Variants in ULK4 observed in about 807,000 individuals in gnomAD.
The protein encoded by ULK4 is inactive serine/threonine-protein kinase ULK4.
A neutral mutation model predicts 160.6 loss-of-function variants in ULK4; 133 were observed. The ratio of observed to expected loss-of-function variants is 0.83; its 90% CI spans 0.72 to 0.96. The LOEUF is 0.96. ULK4 is among the 40% of genes least tolerant of loss of function. The probability of loss-of-function intolerance (pLI) is 0.00; values close to 1 mark genes in which losing one functional copy is unlikely to be tolerated. For missense variants in ULK4, 1,580 were observed against 1,499.5 expected (o/e 1.05, Z -0.89); for synonymous variants, 534 against 539.8 (o/e 0.99, Z 0.15).
rs1315051637 is a variant in ULK4 at position 41,896,836 on chromosome 3, G to A, written c.1516C>T (p.Leu506Phe). 6.2e-7 allele frequency: 1 copy of A among 1,612,544 alleles called. No individual in the cohort carries two copies. The highest frequency in any genetic ancestry group is 8.5e-7 in the Non-Finnish European group (1 of 1,179,576). The change falls in exon 15 of 37, where the codon CTC becomes TTC. Residue 506 changes from leucine (L) to phenylalanine (F), a missense_variant. Coordinates refer to ENST00000301831, the MANE Select transcript of ULK4 (RefSeq NM_017886.4). ...CACAGGCTTACCAGGGGGGAATGGA[G>A]GAGCCTGGTGGCCACCTCCTGGTGA... is the stretch of plus-strand genomic sequence containing the variant. Reference protein sequence around the residue: ...AGHQEVATRLLHSPLFQLLIQ... With the variant: ...AGHQEVATRLFHSPLFQLLIQ...
chr3:41,578,488 GAATT>G (rs1321003825), intron 31 of ULK4, among the ~76,000 whole-genome samples: 1 of 152,284 alleles, frequency 6.6e-6, no homozygotes, highest in East Asian at 1.9e-4. Flanking sequence ...CCATCTTGAA[GAATT>G]AATGGTTGCG....
At chr3:41,826,337 T>C (rs1364072460) in intron 18 of ULK4, among the ~76,000 whole-genome samples, 1 of 152,156 alleles carries the variant, frequency 6.6e-6, no homozygotes, top group Admixed American at 6.5e-5. Context: ...ATGGGCTAAA[T>C]GCTCCAATTA....
intron 30 of ULK4, among the ~76,000 whole-genome samples, chr3:41,632,247 G>A (rs765256712): frequency 6.6e-6 from 1 of 152,112 alleles, no homozygotes; most frequent in Non-Finnish European, 1.5e-5. Flanking sequence ...TCCCTAAGAG[G>A]ACCACTAGAT....
chr3:41,615,541 T>C, intron 31 of ULK4, 128 bp downstream of exon 31: 1 of 811,560 alleles, frequency 1.2e-6, no homozygotes, highest in Non-Finnish European at 2.0e-6. Context: ...GGAGGTTAAG[T>C]GTGATGATGA....
chr3:41,360,397 C>T (rs2081118426), intron 35 of ULK4, among the ~76,000 whole-genome samples: 1 of 152,104 alleles, frequency 6.6e-6, no homozygotes, highest in Non-Finnish European at 1.5e-5. Context: ...ACCATTTAAC[C>T]CAGCAATCCT....
Position 41,754,904 on chromosome 3 carries a change from G to C in ULK4, c.2194-416C>G, listed in dbSNP as rs573439483. 3.3e-5 allele frequency among the ~76,000 whole-genome samples: 5 copies of C among 152,236 alleles called. No homozygotes were observed. In the South Asian group the frequency reaches 1.0e-3, roughly 32 times the overall value. On this transcript the variant is annotated intron_variant, in intron 21 of 36. Coordinates refer to ENST00000301831, the MANE Select transcript of ULK4 (RefSeq NM_017886.4). ...AAATCTCTGAGAAGAGCTGCATATA[G>C]AGAGATCATACCTCTAGTCTACACA...
chr3:41,385,404 G>C (rs117150313), intron 35 of ULK4, among the ~76,000 whole-genome samples: 4 of 151,998 alleles, frequency 2.6e-5, no homozygotes, highest in African/African-American at 7.2e-5. Flanking sequence ...TAGGGGAGCT[G>C]AATCTCTTGA....
intron 18 of ULK4, among the ~76,000 whole-genome samples, chr3:41,826,686 T>G (rs906937466): frequency 2.0e-5 from 3 of 149,698 alleles, no homozygotes; most frequent in African/African-American, 7.6e-5. Flanking sequence ...ACAAAGAGAC[T>G]TAGACTCCCA....
chr3:41,531,690 A>C (rs2086325739), intron 32 of ULK4, among the ~76,000 whole-genome samples: 2 of 152,286 alleles, frequency 1.3e-5, no homozygotes, highest in South Asian at 2.1e-4. Context: ...CCTATAGGTA[A>C]ACCAAAACAA....
At chr3:41,823,640 T>A (rs2041226194) in intron 18 of ULK4, among the ~76,000 whole-genome samples, 1 of 152,202 alleles carries the variant, frequency 6.6e-6, no homozygotes, top group African/African-American at 2.4e-5. Flanking sequence ...GTATACTATA[T>A]ATAATCACTT....
chr3:41,780,963 G>A (rs1317896453), intron 21 of ULK4, among the ~76,000 whole-genome samples: 1 of 151,916 alleles, frequency 6.6e-6, no homozygotes, highest in East Asian at 1.9e-4. Context: ...TTTACCTATA[G>A]ATAAGCAGAG....
chr3:41,578,275 A>C (rs2088269102), intron 31 of ULK4, among the ~76,000 whole-genome samples: 1 of 152,218 alleles, frequency 6.6e-6, no homozygotes, highest in South Asian at 2.1e-4. Context: ...AGCAAAAGGC[A>C]ACCTGGGTCT....
chr3:41,664,017 A>T (rs1178278864), intron 29 of ULK4, among the ~76,000 whole-genome samples: 1 of 152,232 alleles, frequency 6.6e-6, no homozygotes. Context: ...TCTGAAAAAC[A>T]TACAGACTCT....
At chr3:41,730,074 T>A (rs2037774298) in intron 22 of ULK4, among the ~76,000 whole-genome samples, 1 of 152,206 alleles carries the variant, frequency 6.6e-6, no homozygotes, top group African/African-American at 2.4e-5. Context: ...AAAATTTTTT[T>A]AATTTAAAAA....
At chr3:41,632,551 C>T (rs542161749) in intron 30 of ULK4, among the ~76,000 whole-genome samples, 1 of 152,080 alleles carries the variant, frequency 6.6e-6, no homozygotes, top group African/African-American at 2.4e-5. Flanking sequence ...AGGATAGATA[C>T]ATAAAGATAA....
At position 41,455,626 on chromosome 3, in the gene ULK4, G is replaced by A. The variant is rs776804735; in HGVS notation, c.3394-31C>T. ...ACAGAGAGAAGAGAAATGAAAGACGGTCTTGGTGATTAGTCAGCTTGGCCA... is the reference window on the plus strand; with the variant it reads ...ACAGAGAGAAGAGAAATGAAAGACGATCTTGGTGATTAGTCAGCTTGGCCA... On this transcript the variant is annotated intron_variant, in intron 33 of 36. Coordinates refer to ENST00000301831, the MANE Select transcript of ULK4 (RefSeq NM_017886.4). 1.4e-4 allele frequency: 228 copies of A among 1,607,426 alleles called. No individual in the cohort carries two copies. In the East Asian group the frequency reaches 5.0e-3, roughly 35 times the overall value.
intron 35 of ULK4, among the ~76,000 whole-genome samples, chr3:41,376,223 C>A (rs1235026505): frequency 6.0e-5 from 9 of 150,210 alleles, no homozygotes; most frequent in Non-Finnish European, 8.8e-5. Flanking sequence ...GGTAATTCCT[C>A]AAGGATCTGG....
intron 34 of ULK4, among the ~76,000 whole-genome samples, chr3:41,453,919 T>C (rs189144321): frequency 6.7e-6 from 1 of 148,466 alleles, no homozygotes; most frequent in Non-Finnish European, 1.5e-5. Context: ...CAGCAAACTA[T>C]CACAGGGACA....
At chr3:41,770,739 CT>C (rs1053669210) in intron 21 of ULK4, among the ~76,000 whole-genome samples, 2 of 152,112 alleles carry the variant, frequency 1.3e-5, no homozygotes, top group African/African-American at 4.8e-5. Flanking sequence ...TCTTGAACTC[CT>C]GGCCTCAAGT....
Sources: gnomAD v4.1 joint callset for allele counts (sites outside exome capture counted in the v4.1 genomes callset) on GRCh38, gnomAD v4.1.1 for gene constraint, MANE v1.5 for transcripts, NCBI Gene and HGNC (gene_info 2026-07-23, HGNC 2026-07-21) for gene names.